The following RORA variants were observed in gnomAD, a reference collection of about 807,000 sequenced individuals.
RORA encodes the protein RAR related orphan receptor A, also known as nuclear receptor ROR-alpha.
In RORA, 7 loss-of-function variants were observed where a neutral mutation model predicts 69.5. The ratio of observed to expected loss-of-function variants is 0.10; its 90% CI spans 0.06 to 0.19. The LOEUF is 0.19. Ranked by LOEUF, RORA falls within the 10% of genes least tolerant of loss-of-function variation. RORA has a pLI of 1.00. For synonymous variants in RORA, 261 were observed against 240.8 expected (o/e 1.08, Z -0.78); for missense variants, 457 against 663.0 (o/e 0.69, Z 3.41).
intron 1 of RORA, among the ~76,000 whole-genome samples, chr15:60,809,996 T>G (rs2072719577): frequency 6.6e-6 from 1 of 152,160 alleles, no homozygotes; most frequent in South Asian, 2.1e-4. Context: ...TGGGCTGCTG[T>G]AAGGCTGTTG....
chr15:60,668,343 G>A (rs2070411294), intron 2 of RORA, among the ~76,000 whole-genome samples: 1 of 152,164 alleles, frequency 6.6e-6, no homozygotes, highest in Admixed American at 6.5e-5. Flanking sequence ...TAACAAGGAG[G>A]AAAACCCTAG....
chr15:60,971,468 C>T (rs1281717730), intron 1 of RORA, among the ~76,000 whole-genome samples: 2 of 152,172 alleles, frequency 1.3e-5, no homozygotes, highest in Admixed American at 6.5e-5. Flanking sequence ...TGCGGATGTC[C>T]AACATTTGGC....
chr15:60,713,993 G>C (rs904278219), intron 1 of RORA, among the ~76,000 whole-genome samples: 1 of 151,950 alleles, frequency 6.6e-6, no homozygotes, highest in African/African-American at 2.4e-5. Flanking sequence ...TGGCAAAACC[G>C]GGGCCTCTAG....
At chr15:61,222,669 A>T (rs1377557322) in intron 1 of RORA, among the ~76,000 whole-genome samples, 1 of 152,196 alleles carries the variant, frequency 6.6e-6, no homozygotes, top group Non-Finnish European at 1.5e-5. Flanking sequence ...ACTGCAGACT[A>T]TATCATTAAG....
chr15:60,877,096 A>G (rs2073625797), intron 1 of RORA, among the ~76,000 whole-genome samples: 1 of 152,202 alleles, frequency 6.6e-6, no homozygotes, highest in South Asian at 2.1e-4. Flanking sequence ...AACTTAAAAT[A>G]AAAGTTAAAA....
intron 2 of RORA, among the ~76,000 whole-genome samples, chr15:60,571,830 C>G (rs2067891010): frequency 6.6e-6 from 1 of 152,186 alleles, no homozygotes; most frequent in Non-Finnish European, 1.5e-5. Context: ...GGGAAGTTAT[C>G]AAAATTCACT....
At chr15:60,706,436 G>A (rs1293951666) in intron 1 of RORA, 1 of 152,200 alleles carries the variant, frequency 6.6e-6, no homozygotes, top group Non-Finnish European at 1.5e-5. Flanking sequence ...GGGTATTTTG[G>A]GGGTGGGGCA....
At chr15:61,200,984 A>C (rs577388539) in intron 1 of RORA, among the ~76,000 whole-genome samples, 1 of 152,380 alleles carries the variant, frequency 6.6e-6, no homozygotes, top group African/African-American at 2.4e-5. Context: ...TAACAAATGC[A>C]GAAGACTACA....
chr15:60,567,257 T>G (rs1378283210), intron 2 of RORA, among the ~76,000 whole-genome samples: 4 of 147,294 alleles, frequency 2.7e-5, no homozygotes, highest in African/African-American at 1.0e-4. Flanking sequence ...CCAAGGGAGG[T>G]GCTCCCTTTC....
Position 60,505,492 on chromosome 15 carries a change from A to G in RORA, c.942+16T>C, listed in dbSNP as rs552143353. 9.9e-6 allele frequency: 16 copies of G among 1,613,384 alleles called. No individual in the cohort carries two copies. Among genetic ancestry groups the G allele is most frequent in the South Asian group, 2.2e-5 (2 of 91,052 alleles). ...TATTGCCTCAATCCTAGGAGGAAAA[A>G]TTCCTCAGATCATACCTTGTTTTGA... On this transcript the variant is annotated intron_variant, in intron 6 of 10. Coordinates refer to ENST00000335670, the MANE Select transcript of RORA (RefSeq NM_134261.3).
intron 1 of RORA, among the ~76,000 whole-genome samples, chr15:61,111,054 A>G (rs1056221508): frequency 6.6e-6 from 1 of 152,146 alleles, no homozygotes; most frequent in African/African-American, 2.4e-5. Flanking sequence ...CCAAAAAAGG[A>G]GAGATTGTTG....
At chr15:60,876,322 G>C (rs964126004) in intron 1 of RORA, among the ~76,000 whole-genome samples, 2 of 139,378 alleles carry the variant, frequency 1.4e-5, no homozygotes, top group Admixed American at 7.1e-5. Context: ...GGGGGGGGGG[G>C]GGGGCGGCTA....
At position 60,645,452 on chromosome 15, in the gene RORA, C is replaced by T. The variant is rs1567139592; in HGVS notation, c.196+33205G>A. Among the ~76,000 whole-genome samples, 9 of 145,514 alleles carry T rather than the reference C, an allele frequency of 6.2e-5. No homozygotes were observed. In the Admixed American group the frequency reaches 6.2e-4, roughly 10 times the overall value. On this transcript the variant is annotated intron_variant, in intron 2 of 10. Transcript: ENST00000335670. ...TTTTTTTTTTTTTGAGGCAGAGTCT[C>T]ACTCTGCTGGCTCACTGCAACCTCT...
chr15:60,547,497 T>G (rs527945196), intron 2 of RORA, among the ~76,000 whole-genome samples: 1 of 152,104 alleles, frequency 6.6e-6, no homozygotes, highest in South Asian at 2.1e-4. Flanking sequence ...TGGGTAATTT[T>G]TGTATTTTTA....
intron 1 of RORA, among the ~76,000 whole-genome samples, chr15:60,937,055 A>T (rs911907866): frequency 2.0e-5 from 3 of 152,242 alleles, no homozygotes; most frequent in African/African-American, 7.2e-5. Flanking sequence ...GGAGTGCTCT[A>T]TGTTGGATTA....
intron 1 of RORA, among the ~76,000 whole-genome samples, chr15:60,918,533 T>C (rs1483946159): frequency 1.3e-5 from 2 of 152,340 alleles, no homozygotes; most frequent in East Asian, 3.9e-4. Flanking sequence ...ACTTTGGAGA[T>C]GCATGATTAC....
intron 1 of RORA, among the ~76,000 whole-genome samples, chr15:61,153,854 G>A (rs2079419813): frequency 1.3e-5 from 2 of 152,174 alleles, no homozygotes; most frequent in Non-Finnish European, 2.9e-5. Flanking sequence ...GGAGGCCCAG[G>A]CCGGAACAGG....
At chr15:61,111,768 T>C (rs553882278) in intron 1 of RORA, among the ~76,000 whole-genome samples, 1 of 152,348 alleles carries the variant, frequency 6.6e-6, no homozygotes, top group Non-Finnish European at 1.5e-5. Context: ...GCAATGCAAA[T>C]GAGTGAATTT....
intron 1 of RORA, among the ~76,000 whole-genome samples, chr15:60,987,882 T>C (rs1044963994): frequency 2.6e-5 from 4 of 152,218 alleles, no homozygotes; most frequent in African/African-American, 9.6e-5. Context: ...GGCACTCTGA[T>C]CTTGAAGGCA....
Sources: gnomAD v4.1 joint callset for allele counts (sites outside exome capture counted in the v4.1 genomes callset) on GRCh38, gnomAD v4.1.1 for gene constraint, MANE v1.5 for transcripts, NCBI Gene and HGNC (gene_info 2026-07-23, HGNC 2026-07-21) for gene names.